The following AP3B1 variants were observed in gnomAD, a reference collection of about 807,000 sequenced individuals.
AP3B1 encodes the protein adaptor related protein complex 3 subunit beta 1, also known as AP-3 complex subunit beta-1.
A neutral mutation model predicts 132.5 loss-of-function variants in AP3B1; 61 were observed. The ratio of observed to expected loss-of-function variants is 0.46; its 90% CI spans 0.37 to 0.57. The LOEUF is 0.57. Ranked by LOEUF, AP3B1 falls within the 20% of genes least tolerant of loss-of-function variation. The probability of loss-of-function intolerance (pLI) is 0.00; values close to 1 mark genes in which losing one functional copy is unlikely to be tolerated. For synonymous variants in AP3B1, 388 were observed against 438.3 expected (o/e 0.89, Z 1.43); for missense variants, 1,120 against 1,289.4 (o/e 0.87, Z 2.01).
intron 17 of AP3B1, among the ~76,000 whole-genome samples, chr5:78,119,594 T>C (rs1356009035): frequency 2.0e-5 from 3 of 152,082 alleles, no homozygotes; most frequent in African/African-American, 7.2e-5. Flanking sequence ...GTATCAGTGA[T>C]GGAAGACGAA....
chr5:78,169,993 G>GA (rs1743842056), intron 11 of AP3B1, among the ~76,000 whole-genome samples: 1 of 152,100 alleles, frequency 6.6e-6, no homozygotes, highest in South Asian at 2.1e-4. Context: ...ACCTATGAGT[G>GA]AAAACATGCA....
Position 78,216,227 on chromosome 5 carries a change from C to T in AP3B1, c.614G>A (p.Gly205Asp). The T allele has an allele frequency of 6.2e-7, 1 of 1,613,766 alleles. No individual in the cohort carries two copies. Among genetic ancestry groups the T allele is most frequent in the African/African-American group, 1.3e-5 (1 of 74,990 alleles). ...LLKDKSTLVA[G>D]SVVMAFEEVC... ...TTCTTCAAAAGCCATCACAACACTG[C>T]CAGCTACCAACTAGAAAAGAAAGAA... The change falls in exon 7 of 27, where the codon GGC (glycine) becomes GAC (aspartate). Residue 205 changes from glycine to aspartate, a missense_variant. Around this residue, in one of 3 missense-constraint regions of AP3B1, gnomAD observed 129 missense variants for 212.4 expected, o/e 0.61. Transcript: ENST00000255194.
intron 21 of AP3B1, among the ~76,000 whole-genome samples, chr5:78,093,591 C>A (rs1437497111): frequency 1.3e-5 from 2 of 152,040 alleles, no homozygotes; most frequent in African/African-American, 4.8e-5. Context: ...TTCAATTATT[C>A]TTCTGATCAA....
At chr5:78,097,139 C>T (rs1479420258) in intron 21 of AP3B1, among the ~76,000 whole-genome samples, 1 of 128,410 alleles carries the variant, frequency 7.8e-6, no homozygotes, top group African/African-American at 3.3e-5. Context: ...CGGCCAGCCG[C>T]CCCGTCCGGG....
chr5:78,148,119 C>T (rs1013912268), intron 14 of AP3B1, among the ~76,000 whole-genome samples: 1 of 152,020 alleles, frequency 6.6e-6, no homozygotes, highest in East Asian at 1.9e-4. Context: ...CATGAATATA[C>T]TCAAATAGAA....
At chr5:78,156,982 C>A (rs150362632) in intron 13 of AP3B1, among the ~76,000 whole-genome samples, 2 of 152,162 alleles carry the variant, frequency 1.3e-5, no homozygotes, top group Admixed American at 1.3e-4. Context: ...CTCCCCAGCA[C>A]TGTGCCCTAA....
At chr5:78,131,131 C>T (rs866892868) in intron 15 of AP3B1, among the ~76,000 whole-genome samples, 1 of 151,482 alleles carries the variant, frequency 6.6e-6, no homozygotes, top group Middle Eastern at 3.5e-3. Flanking sequence ...CAATGATGCA[C>T]TAAAACCATA....
intron 14 of AP3B1, among the ~76,000 whole-genome samples, chr5:78,147,210 C>A (rs771087159): frequency 1.3e-5 from 2 of 151,906 alleles, no homozygotes; most frequent in Non-Finnish European, 2.9e-5. Flanking sequence ...TAGGTTTGTG[C>A]TTATTACTTT....
chr5:78,088,861 C>T (rs966511455), intron 22 of AP3B1: 4 of 153,236 alleles, frequency 2.6e-5, no homozygotes, highest in African/African-American at 9.7e-5. Flanking sequence ...TATTTTGTGA[C>T]AGGTAGGTTC....
intron 7 of AP3B1, 105 bp downstream of exon 7, chr5:78,215,950 T>C: frequency 9.8e-7 from 1 of 1,018,338 alleles, no homozygotes; most frequent in Non-Finnish European, 1.5e-6. Context: ...CTTCCTTAAA[T>C]ATGCAGATTT....
chr5:78,048,137 T>A (rs148585943), intron 22 of AP3B1, among the ~76,000 whole-genome samples: 1 of 152,222 alleles, frequency 6.6e-6, no homozygotes, highest in Admixed American at 6.5e-5. Context: ...GTTACTTTTT[T>A]CTTTTGGATT....
intron 24 of AP3B1, among the ~76,000 whole-genome samples, chr5:78,033,949 CAAGAT>C (rs1335528870): frequency 2.0e-5 from 3 of 151,808 alleles, no homozygotes; most frequent in Non-Finnish European, 4.4e-5. Flanking sequence ...TTAAGAATCT[CAAGAT>C]AACATGTATG....
chr5:78,221,891 A>G (rs1253057344), intron 6 of AP3B1, among the ~76,000 whole-genome samples: 1 of 152,154 alleles, frequency 6.6e-6, no homozygotes, highest in Non-Finnish European at 1.5e-5. Flanking sequence ...GTACCTTGCA[A>G]AAGTACTATA....
chr5:78,264,041 T>TGTA (rs1341873292), intron 2 of AP3B1, among the ~76,000 whole-genome samples: 1 of 152,176 alleles, frequency 6.6e-6, no homozygotes, highest in Non-Finnish European at 1.5e-5. Flanking sequence ...AGCCTAAGTG[T>TGTA]GTAGTAAGCT....
In AP3B1 at chr5:78,228,267, A is replaced by G. The variant is rs4499809; in HGVS notation, c.280-28T>C. On this transcript the variant is annotated intron_variant, in intron 3 of 26. Transcript: ENST00000255194. ...GTTAAAAAAAAATCATTTATTCATA[A>G]CCAGAGTGAAAATTTAAAACTCAGT... The G allele has an allele frequency of 0.33, 501,420 of 1,538,262 alleles. 82,772 individuals carry two copies. Among genetic ancestry groups the G allele is most frequent in the Middle Eastern group, 0.41 (2,433 of 5,932 alleles).
chr5:78,061,097 G>T (rs1339649103), intron 22 of AP3B1, among the ~76,000 whole-genome samples: 2 of 150,916 alleles, frequency 1.3e-5, no homozygotes, highest in Non-Finnish European at 2.9e-5. Context: ...AAAGCACACC[G>T]CTGGGTCTCA....
chr5:78,266,855 G>C (rs1748343853), intron 2 of AP3B1, among the ~76,000 whole-genome samples: 2 of 151,692 alleles, frequency 1.3e-5, no homozygotes, highest in Admixed American at 1.3e-4. Flanking sequence ...AACATAAATT[G>C]CAAAACTATT....
chr5:78,183,867 T>TAA (rs899886034), intron 7 of AP3B1, among the ~76,000 whole-genome samples: 99 of 71,538 alleles, frequency 1.4e-3, no homozygotes, highest in Admixed American at 3.0e-3. Context: ...AATTCCATCT[T>TAA]AAAAAAAAAA....
chr5:78,251,699 C>T (rs1312382723), intron 2 of AP3B1, among the ~76,000 whole-genome samples: 1 of 152,166 alleles, frequency 6.6e-6, no homozygotes. Context: ...CCTGGAAAAC[C>T]TCGCCACCGA....
Sources: allele counts gnomAD v4.1 joint callset (sites outside exome capture counted in the v4.1 genomes callset), GRCh38; gene constraint gnomAD v4.1.1; regional missense constraint gnomAD v4.1.1; transcripts MANE v1.5; gene names NCBI Gene and HGNC (gene_info 2026-07-23, HGNC 2026-07-21).